Variants in SLC15A5 observed in about 807,000 individuals in gnomAD.
SLC15A5 encodes solute carrier family 15 member 5, also known as Peptide/histidine transporter ENSP00000340402.
SLC15A5 carries 58 observed loss-of-function variants against 56.1 expected under a neutral mutation model. The ratio of observed to expected loss-of-function variants is 1.03; its 90% confidence interval spans 0.84 to 1.29. The LOEUF is 1.29. Ranked by LOEUF, SLC15A5 falls within the 50% of genes most tolerant of loss-of-function variation. The probability of loss-of-function intolerance (pLI) is 0.00; values close to 1 mark genes in which losing one functional copy is unlikely to be tolerated. For missense variants in SLC15A5, 681 were observed against 672.1 expected, an observed-to-expected ratio of 1.01 and a Z score of -0.15; for synonymous variants, 264 against 250.5, an observed-to-expected ratio of 1.05 and a Z score of -0.51.
At chr12:16,225,968 A>T (rs1251506535) in intron 5 of SLC15A5, among the ~76,000 whole-genome samples, 5 of 152,174 alleles carry the variant, frequency 3.3e-5, no homozygotes, top group African/African-American at 1.2e-4. Context: ...CAGGCCAGTA[A>T]TGTAACCTCA....
intron 7 of SLC15A5, among the ~76,000 whole-genome samples, chr12:16,211,877 A>G (rs1381733609): frequency 8.5e-5 from 13 of 152,186 alleles, no homozygotes; most frequent in Non-Finnish European, 1.9e-4. Context: ...TCAAGTTTTG[A>G]GAAATCTTTT....
In SLC15A5 at chr12:16,189,733, G is replaced by C. The variant is rs772299673; in HGVS notation, c.1675C>G (p.Leu559Val). The change falls in exon 9 of 9, where the codon CTG (leucine) becomes GTG (valine). Residue 559 changes from leucine (L) to valine (V), a missense_variant. Physicochemically the swap from Leu to Val is conservative, Grantham distance 32. Coordinates refer to ENST00000344941, the MANE Select transcript of SLC15A5 (RefSeq NM_001170798.1). ...EETLLLHEKS[L>V]KFYGSIQEFS... The stretch of plus-strand genomic sequence containing the variant: ...TCCTGTATACTGCCATAAAATTTCA[G>C]AGATTTTTCGTGGAGGAGAAGTGTT... 5 of 1,530,522 alleles carry C rather than the reference G, an allele frequency of 3.3e-6. No individual in the cohort carries two copies. Among genetic ancestry groups the C allele is most frequent in the Non-Finnish European group, 4.4e-6 (5 of 1,143,426 alleles). 94.8% of individuals were successfully genotyped at this position (1,530,522 alleles called of 1,614,324 possible). A position where few individuals can be genotyped will look rare whatever the true frequency, so the allele number is the denominator to read the frequency against.
chr12:16,237,592 G>A lies in SLC15A5; in HGVS notation c.1162+2089C>T, dbSNP rs1417079448. Among the ~76,000 whole-genome samples, 1 of 152,208 alleles carries A rather than the reference G, an allele frequency of 6.6e-6. No individual in the cohort carries two copies. The highest frequency in any genetic ancestry group is 1.5e-5 in the Non-Finnish European group (1 of 68,026). On this transcript the variant is annotated intron_variant, in intron 5 of 8. Transcript: ENST00000344941. The surrounding 1 kb of genome is among the most constrained non-coding windows in gnomAD (Gnocchi z 4.1). ...AGTACTCTTCTTTAGGAAGAGATGTGATTTCAAATATGCAGGAGTAGAGAA... is the reference window on the plus strand; with the variant it reads ...AGTACTCTTCTTTAGGAAGAGATGTAATTTCAAATATGCAGGAGTAGAGAA...
intron 7 of SLC15A5, among the ~76,000 whole-genome samples, chr12:16,207,958 C>G (rs1397719157): frequency 2.6e-5 from 4 of 151,978 alleles, no homozygotes; most frequent in African/African-American, 9.7e-5. Context: ...CGGCCAGAAC[C>G]AGCGATCTTA....
At chr12:16,192,282 T>C (rs1863845128) in intron 8 of SLC15A5, among the ~76,000 whole-genome samples, 1 of 152,136 alleles carries the variant, frequency 6.6e-6, no homozygotes, top group Non-Finnish European at 1.5e-5. Context: ...TCTCTCTCTA[T>C]CTTTATTCCC....
chr12:16,215,818 T>C (rs536918067), intron 7 of SLC15A5, among the ~76,000 whole-genome samples: 9 of 152,346 alleles, frequency 5.9e-5, no homozygotes, highest in African/African-American at 2.2e-4. Context: ...CTGCTCTATC[T>C]ATCATTGGCT....
intron 6 of SLC15A5, among the ~76,000 whole-genome samples, chr12:16,220,976 CT>C (rs888308589): frequency 1.2e-4 from 18 of 149,448 alleles, no homozygotes; most frequent in Admixed American, 6.0e-4. Flanking sequence ...TTTCCTACTG[CT>C]TTTTTTTTTC....
At chr12:16,228,098 A>C (rs1864260864) in intron 5 of SLC15A5, among the ~76,000 whole-genome samples, 1 of 152,254 alleles carries the variant, frequency 6.6e-6, no homozygotes, top group African/African-American at 2.4e-5. Context: ...TATGGGAATA[A>C]CATGAATTTA....
At chr12:16,258,848 G>C (rs2136808754) in intron 2 of SLC15A5, among the ~76,000 whole-genome samples, 1 of 152,120 alleles carries the variant, frequency 6.6e-6, no homozygotes, top group Admixed American at 6.5e-5. Context: ...AACATAATTA[G>C]GGGAGTGATA....
chr12:16,188,816 T>C lies in SLC15A5; in HGVS notation c.*852A>G, dbSNP rs1385093531. 6.6e-6 allele frequency: 1 copy of C among 152,232 alleles called. No individual in the cohort carries two copies. Among genetic ancestry groups the C allele is most frequent in the African/African-American group, 2.4e-5 (1 of 41,466 alleles). The allele number at this position is 152,232 out of a possible 1,614,324, so 9.4% of individuals were successfully genotyped here. A position where few individuals can be genotyped will look rare whatever the true frequency, so the allele number is the denominator to read the frequency against. On this transcript the variant is annotated 3_prime_UTR_variant, in exon 9 of 9. Coordinates refer to ENST00000344941, the MANE Select transcript of SLC15A5 (RefSeq NM_001170798.1). Reference sequence around the variant, plus strand: ...TACTGAGAAACAGACTTTAATTTTATTTGATTTTTTAAAAAATGAGTTTCC... The same window carrying C: ...TACTGAGAAACAGACTTTAATTTTACTTGATTTTTTAAAAAATGAGTTTCC...
intron 7 of SLC15A5, among the ~76,000 whole-genome samples, chr12:16,215,559 A>T (rs1864124104): frequency 6.6e-6 from 1 of 152,324 alleles, no homozygotes; most frequent in African/African-American, 2.4e-5. Context: ...TAGCTTATGT[A>T]TGAAGAATCT....
chr12:16,260,339 A>T (rs576397591), intron 2 of SLC15A5, among the ~76,000 whole-genome samples: 3 of 152,150 alleles, frequency 2.0e-5, no homozygotes, highest in Non-Finnish European at 4.4e-5. Flanking sequence ...CTCAAGTTCA[A>T]AAGCCCCTAG....
chr12:16,254,919 T>G (rs1316757091), intron 3 of SLC15A5, among the ~76,000 whole-genome samples: 1 of 152,122 alleles, frequency 6.6e-6, no homozygotes, highest in Non-Finnish European at 1.5e-5. Flanking sequence ...GTATTAGTGT[T>G]CTATACCACT....
chr12:16,214,872 G>T (rs1467744442), intron 7 of SLC15A5, among the ~76,000 whole-genome samples: 1 of 152,086 alleles, frequency 6.6e-6, no homozygotes, highest in African/African-American at 2.4e-5. Context: ...GGTGATGACA[G>T]CCCTAGGAAT....
At chr12:16,218,563 C>T (rs369608305) in intron 6 of SLC15A5, among the ~76,000 whole-genome samples, 17 of 152,076 alleles carry the variant, frequency 1.1e-4, no homozygotes, top group East Asian at 5.8e-4. Context: ...TCCTAGGCAA[C>T]GAATCTGTAC....
chr12:16,245,887 A>T (rs1432186296), intron 3 of SLC15A5, among the ~76,000 whole-genome samples: 2 of 152,214 alleles, frequency 1.3e-5, no homozygotes, highest in Non-Finnish European at 2.9e-5. Context: ...TTATGTTTAA[A>T]TAAAGAATAT....
At chr12:16,218,299 A>G (rs1864150442) in intron 6 of SLC15A5, among the ~76,000 whole-genome samples, 1 of 152,326 alleles carries the variant, frequency 6.6e-6, no homozygotes, top group Non-Finnish European at 1.5e-5. Flanking sequence ...TGGATTTCTA[A>G]TATTCCTCTT....
At chr12:16,264,490 T>C (rs1317389188) in intron 2 of SLC15A5, among the ~76,000 whole-genome samples, 1 of 152,194 alleles carries the variant, frequency 6.6e-6, no homozygotes. Context: ...TTTGAGTTAA[T>C]GCTGAAATGA....
chr12:16,275,794 G>A (rs1216143278), intron 1 of SLC15A5, among the ~76,000 whole-genome samples: 1 of 151,996 alleles, frequency 6.6e-6, no homozygotes, highest in Non-Finnish European at 1.5e-5. Flanking sequence ...TAGACTGATA[G>A]AAATTACCAT....
Sources: gnomAD v4.1 joint callset for allele counts (sites outside exome capture counted in the v4.1 genomes callset) on GRCh38, gnomAD v4.1.1 for gene constraint, Gnocchi (gnomAD v3.1) non-coding constraint, MANE v1.5 for transcripts, NCBI Gene and HGNC (gene_info 2026-07-23, HGNC 2026-07-21) for gene names.